Variants in CDC5L observed in about 807,000 individuals in gnomAD.
The protein encoded by CDC5L is cell division cycle 5-like protein.
CDC5L carries 18 observed loss-of-function variants against 104.1 expected under a neutral mutation model. That is an observed-to-expected ratio of 0.17 (90% CI 0.12 to 0.26). CDC5L has a LOEUF of 0.26. Among genes scored for constraint, CDC5L ranks in the 10% least tolerant of loss-of-function variants. The probability of loss-of-function intolerance (pLI) is 1.00; values close to 1 mark genes in which losing one functional copy is unlikely to be tolerated. For missense variants in CDC5L, 673 were observed against 956.9 expected (o/e 0.70, Z 3.91); for synonymous variants, 331 against 322.7 (o/e 1.03, Z -0.28).
At chr6:44,424,107 G>C (rs1264581284) in intron 10 of CDC5L, among the ~76,000 whole-genome samples, 1 of 151,872 alleles carries the variant, frequency 6.6e-6, no homozygotes, top group African/African-American at 2.4e-5. Flanking sequence ...GATTTTTTTT[G>C]AGACTTTTTT....
intron 5 of CDC5L, among the ~76,000 whole-genome samples, chr6:44,401,402 T>C (rs956627508): frequency 1.3e-5 from 2 of 152,136 alleles, no homozygotes; most frequent in Admixed American, 1.3e-4. Flanking sequence ...TGTCCAAAGC[T>C]AGGACTTCTG....
intron 2 of CDC5L, among the ~76,000 whole-genome samples, chr6:44,391,880 TG>T (rs374340571): frequency 1.4e-4 from 22 of 152,048 alleles, no homozygotes; most frequent in East Asian, 1.2e-3. Flanking sequence ...GGTGGCTACT[TG>T]GGAGGCTGAG....
rs1415367763 is a variant in CDC5L, at chr6:44,422,678, C to A, written c.1273C>A (p.Pro425Thr). 6.2e-7 allele frequency: 1 copy of A among 1,611,858 alleles called. No homozygotes were observed. Among genetic ancestry groups the A allele is most frequent in the Admixed American group, 1.7e-5 (1 of 59,764 alleles). The change falls in exon 10 of 16, where the codon CCC becomes ACC. Residue 425 changes from proline to threonine, a missense_variant. By Grantham distance (38) the Pro-to-Thr change is conservative. Transcript: ENST00000371477. ...TPSNGAEGLT[P>T]RSGTTPKPVI... ...TTCTAATGGAGCTGAAGGGCTGACTCCCCGGAGTGGAACAACTCCCAAACC... is the reference window on the plus strand; with the variant it reads ...TTCTAATGGAGCTGAAGGGCTGACTACCCGGAGTGGAACAACTCCCAAACC...
intron 7 of CDC5L, 129 bp from the exon 8 acceptor site, chr6:44,408,315 A>C (rs1259595216): frequency 4.1e-6 from 2 of 484,278 alleles, no homozygotes; most frequent in African/African-American, 2.0e-5. Flanking sequence ...TTGCCCAGGT[A>C]GGTCCCGAAC....
intron 6 of CDC5L, among the ~76,000 whole-genome samples, chr6:44,405,563 A>G (rs552030639): frequency 1.6e-4 from 24 of 152,328 alleles, no homozygotes; most frequent in African/African-American, 5.8e-4. Context: ...GTGAATTTTA[A>G]GAATCATGAG....
rs761071975 is a variant in CDC5L, at chr6:44,392,863, G to A, written c.311+35G>A. On this transcript the variant is annotated intron_variant, in intron 3 of 15. Coordinates refer to ENST00000371477, the MANE Select transcript of CDC5L (RefSeq NM_001253.4). ...TCTTCAGAAAGAGCATAGAATATAT[G>A]TATATGTTCTGAAAGAGGCTGAATA... 3.9e-6 allele frequency: 6 copies of A among 1,544,558 alleles called. No individual in the cohort carries two copies. The African/African-American group carries it at 5.5e-5, about 14-fold the overall frequency.
chr6:44,394,674 G>T (rs1444635319), intron 4 of CDC5L, among the ~76,000 whole-genome samples: 1 of 127,136 alleles, frequency 7.9e-6, no homozygotes, highest in Non-Finnish European at 1.8e-5. Context: ...TGGCCAACAT[G>T]GTGAAACCCT....
chr6:44,441,932 CTTTTTTTTTTTT>C (rs145016358), intron 14 of CDC5L, among the ~76,000 whole-genome samples: 3 of 92,864 alleles, frequency 3.2e-5, no homozygotes, highest in African/African-American at 8.8e-5. Flanking sequence ...AGGTCTTGTT[CTTTTTTTTTTTT>C]TTTTTTTTTT....
At chr6:44,416,690 C>T (rs1415442746) in intron 8 of CDC5L, among the ~76,000 whole-genome samples, 1 of 152,170 alleles carries the variant, frequency 6.6e-6, no homozygotes, top group Non-Finnish European at 1.5e-5. Flanking sequence ...CTCAGATGCA[C>T]CGGCATTTTA....
At chr6:44,423,264 T>C (rs1415781459) in intron 10 of CDC5L, among the ~76,000 whole-genome samples, 1 of 152,176 alleles carries the variant, frequency 6.6e-6, no homozygotes, top group African/African-American at 2.4e-5. Flanking sequence ...TTTATATATG[T>C]TTTTTAAAGT....
intron 7 of CDC5L, among the ~76,000 whole-genome samples, chr6:44,407,722 A>T (rs1791438978): frequency 6.6e-6 from 1 of 152,198 alleles, no homozygotes; most frequent in African/African-American, 2.4e-5. Flanking sequence ...AGACCAGAAG[A>T]ACTCTTTTCC....
intron 7 of CDC5L, among the ~76,000 whole-genome samples, chr6:44,407,891 C>T (rs553094332): frequency 5.1e-4 from 77 of 152,302 alleles, no homozygotes; most frequent in African/African-American, 1.7e-3. Flanking sequence ...AAATTACTAA[C>T]ACAACACCTT....
intron 8 of CDC5L, among the ~76,000 whole-genome samples, chr6:44,414,413 TG>T: frequency 1.3e-5 from 2 of 151,096 alleles, no homozygotes; most frequent in Non-Finnish European, 2.9e-5. Context: ...TGTGTGTGTG[TG>T]TGTGTGTGTG....
At position 44,422,809 on chromosome 6, in the gene CDC5L, G is replaced by A; in HGVS notation, c.1404G>A (p.Met468Ile). 2 of 1,587,372 alleles carry A rather than the reference G, an allele frequency of 1.3e-6. No homozygotes were observed. The highest frequency in any genetic ancestry group is 1.7e-6 in the Non-Finnish European group (2 of 1,169,598). The change falls in exon 10 of 16, where the codon ATG becomes ATA. Residue 468 changes from methionine (M) to isoleucine (I), a missense_variant and splice_region_variant. Around this residue, in one of 4 missense-constraint regions of CDC5L, gnomAD observed 578 missense variants for 737.0 expected, o/e 0.78. Coordinates refer to ENST00000371477, the MANE Select transcript of CDC5L (RefSeq NM_001253.4). Reference protein sequence around the residue: ...DYSDPSYVKQMERESREHLRL... With the variant: ...DYSDPSYVKQIERESREHLRL... Reference sequence around the variant, plus strand: ...GTGATCCCTCTTACGTGAAGCAGATGGTAAATGTCAATTCCCTTTTAATAC... The same window carrying A: ...GTGATCCCTCTTACGTGAAGCAGATAGTAAATGTCAATTCCCTTTTAATAC...
chr6:44,419,211 A>AACTGAAACTGGCTAG (rs1792049699), intron 8 of CDC5L, among the ~76,000 whole-genome samples: 1 of 152,178 alleles, frequency 6.6e-6, no homozygotes, highest in Admixed American at 6.5e-5. Context: ...TCAGCTTTCT[A>AACTGAAACTGGCTAG]CATATGGCTA....
chr6:44,403,849 G>T lies in CDC5L; in HGVS notation c.580G>T (p.Ala194Ser). Residue 194 changes from alanine to serine, a missense_variant, in exon 6 of 16, where the codon GCT (alanine) becomes TCT (serine). Coordinates refer to ENST00000371477, the MANE Select transcript of CDC5L (RefSeq NM_001253.4). ...ALQKRRELRA[A>S]GIEIQKKRKR... ...CCAAAAAAGAAGAGAACTTCGAGCA[G>T]CTGGCATAGAAATTCAGAAGAAAAG... is the stretch of plus-strand genomic sequence containing the variant. 6.2e-7 allele frequency: 1 copy of T among 1,612,232 alleles called. No individual in the cohort carries two copies. Among genetic ancestry groups the T allele is most frequent in the Non-Finnish European group, 8.5e-7 (1 of 1,179,576 alleles).
chr6:44,444,975 C>A (rs1261749882), intron 14 of CDC5L, among the ~76,000 whole-genome samples: 1 of 152,036 alleles, frequency 6.6e-6, no homozygotes, highest in Admixed American at 6.6e-5. Flanking sequence ...TTAACTCCCC[C>A]ATGCAAGTTA....
intron 14 of CDC5L, among the ~76,000 whole-genome samples, chr6:44,444,021 C>T (rs1325908920): frequency 1.3e-5 from 2 of 152,000 alleles, no homozygotes; most frequent in Non-Finnish European, 2.9e-5. Flanking sequence ...CCTTTTAAAT[C>T]TTTGTATTTG....
intron 14 of CDC5L, among the ~76,000 whole-genome samples, chr6:44,445,093 G>T (rs1005410308): frequency 1.3e-5 from 2 of 152,150 alleles, no homozygotes; most frequent in Non-Finnish European, 2.9e-5. Context: ...CCCCCAAAGG[G>T]TGCAGTCCCT....
Sources: allele counts gnomAD v4.1 joint callset (sites outside exome capture counted in the v4.1 genomes callset), GRCh38; gene constraint gnomAD v4.1.1; regional missense constraint gnomAD v4.1.1; transcripts MANE v1.5; gene names NCBI Gene and HGNC (gene_info 2026-07-23, HGNC 2026-07-21).